ADAM11: variants seen among roughly 807,000 people sequenced by gnomAD.
ADAM11 encodes the protein ADAM metallopeptidase domain 11, also known as disintegrin and metalloproteinase domain-containing protein 11.
Under a neutral mutation model 119.1 loss-of-function variants are expected in ADAM11, and 49 were observed. The observed-to-expected ratio is 0.41, with a 90% CI of 0.33 to 0.52. The LOEUF (loss-of-function observed/expected upper bound fraction) is 0.52, where lower values mean the gene tolerates loss of function less well. ADAM11 is among the 20% of genes least tolerant of loss of function. The pLI, the probability that ADAM11 is intolerant of heterozygous loss-of-function variation, is 0.20. For missense variants in ADAM11, 777 were observed against 1,047.5 expected (o/e 0.74, Z 3.56); for synonymous variants, 364 against 408.0 (o/e 0.89, Z 1.30).
At position 44,778,089 on chromosome 17, in the gene ADAM11, G is replaced by A. The variant is rs760822192; in HGVS notation, c.2185+23G>A. On this transcript the variant is annotated intron_variant, in intron 24 of 26. Transcript: ENST00000200557. Reference sequence around the variant, plus strand: ...AAGGTGAGGCTGGAGCTGGCCGAGGGGGGTCTGTCTGTCCTGCTCTCTATG... The same window carrying A: ...AAGGTGAGGCTGGAGCTGGCCGAGGAGGGTCTGTCTGTCCTGCTCTCTATG... The A allele has an allele frequency of 7.5e-6, 12 of 1,610,652 alleles. No individual in the cohort carries two copies. The Middle Eastern group carries it at 6.6e-4, about 89-fold the overall frequency.
At position 44,772,599 on chromosome 17, in the gene ADAM11, G is replaced by A; in HGVS notation, c.678+133G>A. ...GAAGGCTCAGATGGATGTGGCTGGGGGCCAGGGACCGTGTCTGGGAGAAGC... is the reference window on the plus strand; with the variant it reads ...GAAGGCTCAGATGGATGTGGCTGGGAGCCAGGGACCGTGTCTGGGAGAAGC... On this transcript the variant is annotated intron_variant, in intron 8 of 26. Transcript: ENST00000200557. This position sits in a 1 kb window ranked among gnomAD's most constrained non-coding sequence, Gnocchi z 4.5. 8.1e-7 allele frequency: 1 copy of A among 1,241,180 alleles called. No homozygotes were observed. Among genetic ancestry groups the A allele is most frequent in the East Asian group, 2.6e-5 (1 of 39,196 alleles). 76.9% of individuals were successfully genotyped at this position (1,241,180 alleles called of 1,614,324 possible).
Position 44,777,889 on chromosome 17 carries a change from G to A in ADAM11, c.2070+26G>A. The A allele has an allele frequency of 3.1e-6, 5 of 1,613,572 alleles. No homozygotes were observed. The highest frequency in any genetic ancestry group is 4.2e-6 in the Non-Finnish European group (5 of 1,179,962). On this transcript the variant is annotated intron_variant, in intron 23 of 26. Transcript: ENST00000200557. This position sits in a 1 kb window ranked among gnomAD's most constrained non-coding sequence, Gnocchi z 5.1. Reference sequence around the variant, plus strand: ...GTGACTGCCTGGAGCCTGGGATGGCGGGAGAAGCTTACAAGAGGGGACAGG... The same window carrying A: ...GTGACTGCCTGGAGCCTGGGATGGCAGGAGAAGCTTACAAGAGGGGACAGG...
chr17:44,767,964 A>AC (rs2049471144), intron 2 of ADAM11, among the ~76,000 whole-genome samples: 1 of 152,188 alleles, frequency 6.6e-6, no homozygotes, highest in Non-Finnish European at 1.5e-5. Context: ...CCAGGATGGT[A>AC]CCAATACGTA....
At position 44,775,774 on chromosome 17, in the gene ADAM11, C is replaced by G. The variant is rs1415549343; in HGVS notation, c.1485+98C>G. The G allele has an allele frequency of 1.5e-6, 2 of 1,303,444 alleles. No individual in the cohort carries two copies. The highest frequency in any genetic ancestry group is 2.6e-4 in the Middle Eastern group (1 of 3,868). The allele number at this position is 1,303,444 out of a possible 1,614,324, so 80.7% of individuals were successfully genotyped here. ...GAGCTAGGGAGGGAAGCGGAGCCTT[C>G]GGGGACGAAGGCCTCTGGGGCAGGG... On this transcript the variant is annotated intron_variant, in intron 17 of 26. Transcript: ENST00000200557. This position sits in a 1 kb window ranked among gnomAD's most constrained non-coding sequence, Gnocchi z 7.5.
chr17:44,767,554 G>GGCCAGGCAAACACCCCTTGGTAT (rs2049465943), intron 2 of ADAM11, among the ~76,000 whole-genome samples: 1 of 152,122 alleles, frequency 6.6e-6, no homozygotes, highest in Non-Finnish European at 1.5e-5. Context: ...CATGGGGCCA[G>GGCCAGGCAAACACCCCTTGGTAT]GCCAGGCAAA....
rs2049592638 is a variant in ADAM11, at chr17:44,775,756, G to T, written c.1485+80G>T. 2 of 1,390,160 alleles carry T rather than the reference G, an allele frequency of 1.4e-6. No homozygotes were observed. Among genetic ancestry groups the T allele is most frequent in the Admixed American group, 2.2e-5 (1 of 44,626 alleles). 86.1% of individuals were successfully genotyped at this position (1,390,160 alleles called of 1,614,324 possible). A position where few individuals can be genotyped will look rare whatever the true frequency, so the allele number is the denominator to read the frequency against. On this transcript the variant is annotated intron_variant, in intron 17 of 26. Coordinates refer to ENST00000200557, the MANE Select transcript of ADAM11 (RefSeq NM_002390.6). The surrounding 1 kb of genome is among the most constrained non-coding windows in gnomAD (Gnocchi z 7.5). The stretch of plus-strand genomic sequence containing the variant: ...CCTTCATATAAGGGGTGGGAGCTAG[G>T]GAGGGAAGCGGAGCCTTCGGGGACG...
chr17:44,773,159 T>C lies in ADAM11; in HGVS notation c.825+74T>C. On this transcript the variant is annotated intron_variant, in intron 10 of 26. Coordinates refer to ENST00000200557, the MANE Select transcript of ADAM11 (RefSeq NM_002390.6). The surrounding 1 kb of genome is among the most constrained non-coding windows in gnomAD (Gnocchi z 4.6). ...CCACCACACACATTAGGGGGCACTG[T>C]CAGCCCCTGGCTCCCACTTCCTGGA... 1 of 1,462,866 alleles carries C rather than the reference T, an allele frequency of 6.8e-7. No individual in the cohort carries two copies. Among genetic ancestry groups the C allele is most frequent in the Admixed American group, 1.8e-5 (1 of 55,604 alleles). 90.6% of individuals were successfully genotyped at this position (1,462,866 alleles called of 1,614,324 possible).
chr17:44,773,638 C>T lies in ADAM11; in HGVS notation c.992+211C>T. Among the ~76,000 whole-genome samples, 1 of 152,178 alleles carries T rather than the reference C, an allele frequency of 6.6e-6. No individual in the cohort carries two copies. The highest frequency in any genetic ancestry group is 6.5e-5 in the Admixed American group (1 of 15,278). On this transcript the variant is annotated intron_variant, in intron 11 of 26. Transcript: ENST00000200557. This position sits in a 1 kb window ranked among gnomAD's most constrained non-coding sequence, Gnocchi z 4.6. ...CCCTTGTCTTAGCCCTGGTGGTCCT[C>T]TTCTGCCTCTCACCTCCCCTTAGTT...
rs1410944647 is a variant in ADAM11, at chr17:44,780,797, T to G, written c.*1043T>G. On this transcript the variant is annotated 3_prime_UTR_variant, in exon 27 of 27. Coordinates refer to ENST00000200557, the MANE Select transcript of ADAM11 (RefSeq NM_002390.6). ...GAGGAAGTAGGAAAGGGAGGTCTCA[T>G]GGATGATCCTAGGCTGCTAGAAGTC... The G allele has an allele frequency of 6.5e-6, 1 of 154,802 alleles. No individual in the cohort carries two copies. The highest frequency in any genetic ancestry group is 2.4e-5 in the African/African-American group (1 of 41,442). The allele number at this position is 154,802 out of a possible 1,614,324, so 9.6% of individuals were successfully genotyped here. A position where few individuals can be genotyped will look rare whatever the true frequency, so the allele number is the denominator to read the frequency against.
chr17:44,771,891 A>C, intron 6 of ADAM11, 60 bp downstream of exon 6: 1 of 1,553,946 alleles, frequency 6.4e-7, no homozygotes, highest in African/African-American at 1.4e-5. Flanking sequence ...TTGTCCCAAC[A>C]GCTGTTGCTG....
Position 44,773,200 on chromosome 17 carries a change from C to T in ADAM11, c.826-61C>T. The T allele has an allele frequency of 6.2e-7, 1 of 1,600,838 alleles. No homozygotes were observed. The highest frequency in any genetic ancestry group is 8.6e-7 in the Non-Finnish European group (1 of 1,169,442). The stretch of plus-strand genomic sequence containing the variant: ...ACTTCCTGGAGAGAACAGACAGGCC[C>T]TCCTCCAGCCCTGGCCCCAACACCC... On this transcript the variant is annotated intron_variant, in intron 10 of 26. Transcript: ENST00000200557. This position sits in a 1 kb window ranked among gnomAD's most constrained non-coding sequence, Gnocchi z 4.6.
intron 2 of ADAM11, among the ~76,000 whole-genome samples, chr17:44,760,249 G>A (rs543770751): frequency 1.3e-5 from 2 of 152,360 alleles, no homozygotes; most frequent in East Asian, 3.9e-4. Context: ...GTTGGGGGCA[G>A]GGAGAGGCAG....
chr17:44,778,090 G>C, intron 24 of ADAM11, 24 bp downstream of exon 24: 1 of 1,610,666 alleles, frequency 6.2e-7, no homozygotes, highest in Non-Finnish European at 8.5e-7. Flanking sequence ...TGGCCGAGGG[G>C]GGTCTGTCTG....
chr17:44,779,469 G>T (rs1295467946), intron 26 of ADAM11: 1 of 985,304 alleles, frequency 1.0e-6, no homozygotes, highest in Non-Finnish European at 1.2e-6. Flanking sequence ...CTTCTCGACT[G>T]CCCTGCTGCG....
intron 2 of ADAM11, among the ~76,000 whole-genome samples, chr17:44,765,651 T>C (rs1044612884): frequency 1.4e-5 from 2 of 145,750 alleles, no homozygotes; most frequent in African/African-American, 5.2e-5. Flanking sequence ...CAGAGTGTTT[T>C]GCTGTGTTGC....
Position 44,771,640 on chromosome 17 carries a change from C to T in ADAM11, c.438C>T (p.Phe146=), listed in dbSNP as rs773223622. The T allele has an allele frequency of 1.1e-5, 18 of 1,611,250 alleles. No individual in the cohort carries two copies. The highest frequency in any genetic ancestry group is 2.7e-5 in the African/African-American group (2 of 74,774). The change falls in exon 5 of 27, where the codon TTC becomes TTT. Residue 146 remains phenylalanine (F), a synonymous_variant. Coordinates refer to ENST00000200557, the MANE Select transcript of ADAM11 (RefSeq NM_002390.6). ...AGCTCCGGGGGAACCCGCACTCCTTCGCCGCCCTCTCCACCTGCCAGGGGC... is the reference window on the plus strand; with the variant it reads ...AGCTCCGGGGGAACCCGCACTCCTTTGCCGCCCTCTCCACCTGCCAGGGGC... ...QGKLRGNPHS[F]AALSTCQGLH... is the part of the protein sequence containing the mutation.
intron 25 of ADAM11, among the ~76,000 whole-genome samples, chr17:44,778,710 A>AG (rs2049642275): frequency 6.8e-6 from 1 of 147,558 alleles, no homozygotes; most frequent in Non-Finnish European, 1.5e-5. Flanking sequence ...AAAAAAAAAA[A>AG]AAAGAAAGAA....
At position 44,777,168 on chromosome 17, in the gene ADAM11, G is replaced by C; in HGVS notation, c.1684G>C (p.Ala562Pro). The change falls in exon 21 of 27, where the codon GCT becomes CCT. Residue 562 changes from alanine (A) to proline (P), a missense_variant and splice_region_variant. By Grantham distance (27) the Ala-to-Pro change is conservative. Around this residue, in one of 4 missense-constraint regions of ADAM11, gnomAD observed 348 missense variants for 486.7 expected, o/e 0.72. Coordinates refer to ENST00000200557, the MANE Select transcript of ADAM11 (RefSeq NM_002390.6). The surrounding 1 kb of genome is among the most constrained non-coding windows in gnomAD (Gnocchi z 5.1). ...CACTTGGCATCCTCTCCCCACAGCG[G>C]CTGCTGATCGCTTCTGCTACGAGAA... is the stretch of plus-strand genomic sequence containing the variant. The part of the protein sequence containing the change: ...RQCQVLWGHA[A>P]ADRFCYEKLN... 6.3e-7 allele frequency: 1 copy of C among 1,599,410 alleles called. No homozygotes were observed. The highest frequency in any genetic ancestry group is 8.5e-7 in the Non-Finnish European group (1 of 1,174,082).
rs369624746 is a variant in ADAM11, at chr17:44,777,827, C to T, written c.2034C>T (p.Pro678=). Residue 678 remains proline, a synonymous_variant, in exon 23 of 27, where the codon CCC becomes CCT. Coordinates refer to ENST00000200557, the MANE Select transcript of ADAM11 (RefSeq NM_002390.6). This position sits in a 1 kb window ranked among gnomAD's most constrained non-coding sequence, Gnocchi z 5.1. The stretch of plus-strand genomic sequence containing the variant: ...CTGCCTTCAACTTCAGCACCTGCCC[C>T]GGCAGTGGGGAGCGCCGGATTTGCT... ...PASAFNFSTC[P]GSGERRICSH... The T allele has an allele frequency of 6.1e-5, 98 of 1,613,738 alleles. 6 individuals carry two copies. In the South Asian group the frequency reaches 7.7e-4, roughly 13 times the overall value.
Sources: gnomAD v4.1 joint callset for allele counts (sites outside exome capture counted in the v4.1 genomes callset) on GRCh38, gnomAD v4.1.1 for gene constraint, gnomAD v4.1.1 regional missense constraint, Gnocchi (gnomAD v3.1) non-coding constraint, MANE v1.5 for transcripts, NCBI Gene and HGNC (gene_info 2026-07-23, HGNC 2026-07-21) for gene names.